PDLIM4: variants seen among roughly 807,000 people sequenced by gnomAD.
PDLIM4 encodes PDZ and LIM domain 4.
PDLIM4 carries 19 observed loss-of-function variants against 31.3 expected under a neutral mutation model. The observed-to-expected ratio is 0.61, with a 90% CI of 0.42 to 0.89. The LOEUF (loss-of-function observed/expected upper bound fraction) is 0.89. PDLIM4 is among the 40% of genes least tolerant of loss of function. PDLIM4 has a pLI of 0.00. For synonymous variants in PDLIM4, 176 were observed against 190.1 expected, an observed-to-expected ratio of 0.93 and a Z score of 0.61; for missense variants, 442 against 461.1, an observed-to-expected ratio of 0.96 and a Z score of 0.38.
In PDLIM4 at chr5:132,273,164, C is replaced by G. The variant is rs1756670203; in HGVS notation, c.*935C>G. ...CGTCTGTGAATTGTGGCTGTTCACT[C>G]CCGAGGATGTGTCCTAGACTCCGGG... On this transcript the variant is annotated 3_prime_UTR_variant, in exon 7 of 7. Transcript: ENST00000253754. 6.6e-6 allele frequency: 1 copy of G among 152,312 alleles called. No homozygotes were observed. 9.4% of individuals were successfully genotyped at this position (152,312 alleles called of 1,614,324 possible). A position where few individuals can be genotyped will look rare whatever the true frequency, so the allele number is the denominator to read the frequency against.
chr5:132,267,409 T>G (rs529582545), intron 3 of PDLIM4, among the ~76,000 whole-genome samples: 1 of 152,338 alleles, frequency 6.6e-6, no homozygotes, highest in African/African-American at 2.4e-5. Context: ...CTCTATTCCC[T>G]ACCCTGCCTG....
rs1756277128 is a variant in PDLIM4, at chr5:132,257,805, G to T, written c.71G>T (p.Ser24Ile). The change falls in exon 1 of 7, where the codon AGC (serine) becomes ATC (isoleucine). Residue 24 changes from serine to isoleucine, a missense_variant. Transcript: ENST00000253754. The surrounding 1 kb of genome is among the most constrained non-coding windows in gnomAD (Gnocchi z 4.3). ...GFRLVGGRDF[S>I]APLTISRVHA... The stretch of plus-strand genomic sequence containing the variant: ...CGCCTGGTGGGCGGCCGGGACTTCA[G>T]CGCGCCCCTCACCATCTCACGGGTG... 1.3e-6 allele frequency: 2 copies of T among 1,504,648 alleles called. No homozygotes were observed. The allele number at this position is 1,504,648 out of a possible 1,614,324, so 93.2% of individuals were successfully genotyped here.
intron 1 of PDLIM4, among the ~76,000 whole-genome samples, chr5:132,259,492 A>G (rs1043062921): frequency 2.0e-5 from 3 of 152,134 alleles, no homozygotes; most frequent in African/African-American, 7.2e-5. Context: ...TTTGTCCCCC[A>G]AAGTCACGCG....
chr5:132,269,978 ATG>A (rs34025617), intron 3 of PDLIM4, among the ~76,000 whole-genome samples: 2 of 151,568 alleles, frequency 1.3e-5, no homozygotes, highest in African/African-American at 2.4e-5. Flanking sequence ...TGTTGTCCTT[ATG>A]TGTGTGTGTG....
At chr5:132,271,184 A>G in intron 4 of PDLIM4, 91 bp downstream of exon 4, 1 of 1,496,758 alleles carries the variant, frequency 6.7e-7, no homozygotes, top group South Asian at 1.2e-5. Context: ...GACCCCTGAC[A>G]CTTGATCCTT....
chr5:132,272,276 C>T lies in PDLIM4; in HGVS notation c.*47C>T, dbSNP rs370271790. On this transcript the variant is annotated 3_prime_UTR_variant, in exon 7 of 7. Coordinates refer to ENST00000253754, the MANE Select transcript of PDLIM4 (RefSeq NM_003687.4). ...CTGCTTCTTAAGGTCCCTGCTCGGC[C>T]GGTGTAAATATGTTTCACCCTGTCC... is the stretch of plus-strand genomic sequence containing the variant. 158 of 1,484,834 alleles carry T rather than the reference C, an allele frequency of 1.1e-4. No individual in the cohort carries two copies. The highest frequency in any genetic ancestry group is 3.0e-4 in the African/African-American group (22 of 72,518). The allele number at this position is 1,484,834 out of a possible 1,614,324, so 92.0% of individuals were successfully genotyped here. A position where few individuals can be genotyped will look rare whatever the true frequency, so the allele number is the denominator to read the frequency against.
chr5:132,262,734 C>G lies in PDLIM4; in HGVS notation c.219C>G (p.His73Gln). 6.2e-7 allele frequency: 1 copy of G among 1,613,784 alleles called. No homozygotes were observed. The highest frequency in any genetic ancestry group is 1.1e-5 in the South Asian group (1 of 91,006). ...CACAGAACCGCATCAAGGGCTGCCA[C>G]GATCACCTCACACTGTCTGTGAGCA... is the stretch of plus-strand genomic sequence containing the variant. ...LEAQNRIKGC[H>Q]DHLTLSVSRP... The change falls in exon 2 of 7, where the codon CAC (histidine) becomes CAG (glutamine). Residue 73 changes from histidine (H) to glutamine (Q), a missense_variant. Physicochemically the swap from His to Gln is conservative, Grantham distance 24. Transcript: ENST00000253754.
At chr5:132,262,560 C>T in intron 1 of PDLIM4, 49 bp from the exon 2 acceptor site, 2 of 1,517,102 alleles carry the variant, frequency 1.3e-6, no homozygotes, top group South Asian at 2.6e-5. Flanking sequence ...CAGCTTGCAG[C>T]AAGACCATAT....
intron 1 of PDLIM4, among the ~76,000 whole-genome samples, chr5:132,258,035 C>T (rs905953627): frequency 6.6e-6 from 1 of 152,194 alleles, no homozygotes; most frequent in Non-Finnish European, 1.5e-5. Flanking sequence ...TGCCCGATCC[C>T]GCGAAGAATC....
intron 3 of PDLIM4, chr5:132,266,845 G>C (rs1756502494): frequency 3.6e-6 from 1 of 276,348 alleles, no homozygotes; most frequent in Admixed American, 5.3e-5. Context: ...GCCAGCTGGA[G>C]TTCACTCTGG....
At chr5:132,259,125 A>G (rs1336867746) in intron 1 of PDLIM4, among the ~76,000 whole-genome samples, 2 of 135,696 alleles carry the variant, frequency 1.5e-5, no homozygotes, top group African/African-American at 2.8e-5. Flanking sequence ...CCTCTTTCCT[A>G]TAGGATTCCT....
intron 3 of PDLIM4, among the ~76,000 whole-genome samples, chr5:132,269,332 TGCCCGGAGGCTGA>T (rs1266410126): frequency 6.6e-6 from 1 of 151,694 alleles, no homozygotes; most frequent in African/African-American, 2.4e-5. Context: ...CCAAAGCCTC[TGCCCGGAGGCTGA>T]GCCCCACCCC....
intron 3 of PDLIM4, among the ~76,000 whole-genome samples, chr5:132,268,718 AC>A (rs1756543754): frequency 6.6e-6 from 1 of 152,174 alleles, no homozygotes. Flanking sequence ...TCCTCCCCAG[AC>A]CAGCAGAGAG....
At chr5:132,262,811 T>C in intron 2 of PDLIM4, 51 bp downstream of exon 2, 1 of 1,550,518 alleles carries the variant, frequency 6.4e-7, no homozygotes, top group South Asian at 1.2e-5. Flanking sequence ...GGTGGGCAGT[T>C]ATGGGCAGCT....
intron 1 of PDLIM4, among the ~76,000 whole-genome samples, chr5:132,259,384 C>T (rs1756325383): frequency 1.3e-5 from 2 of 152,158 alleles, no homozygotes; most frequent in Admixed American, 1.3e-4. Context: ...ACAGCTGCGG[C>T]TGCGGCAGCA....
chr5:132,271,538 C>T (rs1469186629), intron 5 of PDLIM4, 72 bp downstream of exon 5: 1 of 1,467,824 alleles, frequency 6.8e-7, no homozygotes, highest in South Asian at 1.1e-5. Context: ...CCTAGCGACC[C>T]CACGTCCCGC....
chr5:132,271,310 C>A lies in PDLIM4; in HGVS notation c.514C>A (p.Pro172Thr). 6.3e-7 allele frequency: 1 copy of A among 1,594,974 alleles called. No individual in the cohort carries two copies. The highest frequency in any genetic ancestry group is 2.2e-5 in the East Asian group (1 of 44,568). ...LHVSPPPSAD[P>T]ARGLPRSRDC... is the part of the protein sequence containing the mutation. ...TTTCTTTCTCCCTCCCAGCGCTGAC[C>A]CAGCCAGAGGCCTCCCGCGGAGCCG... Residue 172 changes from proline (P) to threonine (T), a missense_variant, in exon 5 of 7, where the codon CCA (proline) becomes ACA (threonine). Physicochemically the swap from Pro to Thr is conservative, Grantham distance 38. Coordinates refer to ENST00000253754, the MANE Select transcript of PDLIM4 (RefSeq NM_003687.4).
rs765348419 is a variant in PDLIM4 at position 132,271,921 on chromosome 5, C to T, written c.788+13C>T. On this transcript the variant is annotated intron_variant, in intron 6 of 6. Transcript: ENST00000253754. ...GCCACGGCATCGTGTGAGTAACCGCCCCCGCTGCCCCTCCCGGACCCTAGC... is the reference window on the plus strand; with the variant it reads ...GCCACGGCATCGTGTGAGTAACCGCTCCCGCTGCCCCTCCCGGACCCTAGC... The T allele has an allele frequency of 1.3e-5, 20 of 1,594,212 alleles. No individual in the cohort carries two copies. Among genetic ancestry groups the T allele is most frequent in the Non-Finnish European group, 1.7e-5 (20 of 1,164,270 alleles).
rs758267576 is a variant in PDLIM4, at chr5:132,257,839, G to A, written c.93+12G>A. 2 of 1,442,962 alleles carry A rather than the reference G, an allele frequency of 1.4e-6. No homozygotes were observed. Among genetic ancestry groups the A allele is most frequent in the East Asian group, 2.9e-5 (1 of 34,340 alleles). The allele number at this position is 1,442,962 out of a possible 1,614,324, so 89.4% of individuals were successfully genotyped here. A position where few individuals can be genotyped will look rare whatever the true frequency, so the allele number is the denominator to read the frequency against. On this transcript the variant is annotated intron_variant, in intron 1 of 6. Coordinates refer to ENST00000253754, the MANE Select transcript of PDLIM4 (RefSeq NM_003687.4). This position sits in a 1 kb window ranked among gnomAD's most constrained non-coding sequence, Gnocchi z 4.3. ...TCACCATCTCACGGGTGAGTCTGGC[G>A]GCTGCGTGGCGGCAGGGCGGTCCCA...
Sources: allele counts gnomAD v4.1 joint callset (sites outside exome capture counted in the v4.1 genomes callset), GRCh38; gene constraint gnomAD v4.1.1; non-coding constraint Gnocchi (gnomAD v3.1); transcripts MANE v1.5; gene names NCBI Gene and HGNC (gene_info 2026-07-23, HGNC 2026-07-21).